CSMD1: variants seen among roughly 807,000 people sequenced by gnomAD.
CSMD1 encodes CUB and Sushi multiple domains 1, also known as CUB and sushi domain-containing protein 1.
Under a neutral mutation model 417.5 loss-of-function variants are expected in CSMD1, and 213 were observed. The observed-to-expected ratio is 0.51, with a 90% CI of 0.46 to 0.57. The LOEUF (loss-of-function observed/expected upper bound fraction) is 0.57, where lower values mean the gene tolerates loss of function less well. Ranked by LOEUF, CSMD1 falls within the 20% of genes least tolerant of loss-of-function variation. The pLI is 0.00. For synonymous variants in CSMD1, 2,862 were observed against 1,736.8 expected, an observed-to-expected ratio of 1.65 and a Z score of -16.11; for missense variants, 6,923 against 4,529.7, an observed-to-expected ratio of 1.53 and a Z score of -15.17.
At chr8:4,712,510 C>A (rs894132555) in intron 1 of CSMD1, among the ~76,000 whole-genome samples, 12 of 152,114 alleles carry the variant, frequency 7.9e-5, no homozygotes, top group African/African-American at 2.9e-4. Flanking sequence ...GGAAAATTTC[C>A]CTTATTTTCC....
intron 12 of CSMD1, among the ~76,000 whole-genome samples, chr8:3,451,978 C>A (rs772548672): frequency 6.6e-6 from 1 of 152,122 alleles, no homozygotes; most frequent in Non-Finnish European, 1.5e-5. Flanking sequence ...TGTTTGTCTC[C>A]TCTTTTATTT....
chr8:3,036,443 C>T (rs1170041074), intron 50 of CSMD1, among the ~76,000 whole-genome samples: 1 of 152,128 alleles, frequency 6.6e-6, no homozygotes, highest in Non-Finnish European at 1.5e-5. Flanking sequence ...GTAAGTGCTT[C>T]TTATAACCAA....
chr8:3,798,570 T>A (rs543337376), intron 5 of CSMD1, among the ~76,000 whole-genome samples: 8 of 152,080 alleles, frequency 5.3e-5, no homozygotes, highest in African/African-American at 1.9e-4. Flanking sequence ...TGAGAGGTGA[T>A]TGCAATGAAA....
intron 1 of CSMD1, among the ~76,000 whole-genome samples, chr8:4,911,338 G>A (rs1024637603): frequency 6.6e-6 from 1 of 152,172 alleles, no homozygotes; most frequent in East Asian, 1.9e-4. Flanking sequence ...ATATGCAGAT[G>A]AAAGACAATT....
intron 3 of CSMD1, among the ~76,000 whole-genome samples, chr8:4,162,655 A>T (rs1309532648): frequency 6.6e-6 from 1 of 152,202 alleles, no homozygotes; most frequent in Non-Finnish European, 1.5e-5. Context: ...TATGTCATGT[A>T]ACACCTGCTC....
intron 5 of CSMD1, among the ~76,000 whole-genome samples, chr8:3,880,459 G>C (rs1290004875): frequency 6.6e-6 from 1 of 152,112 alleles, no homozygotes; most frequent in African/African-American, 2.4e-5. Context: ...TTTAATTCTT[G>C]AGATATCTCG....
intron 52 of CSMD1, among the ~76,000 whole-genome samples, chr8:3,010,288 C>T (rs1360957016): frequency 6.6e-6 from 1 of 152,212 alleles, no homozygotes; most frequent in Non-Finnish European, 1.5e-5. Context: ...TTAGATGTAG[C>T]AGGTGGCATT....
intron 1 of CSMD1, among the ~76,000 whole-genome samples, chr8:4,664,519 C>G (rs190614543): frequency 6.6e-6 from 1 of 152,208 alleles, no homozygotes; most frequent in South Asian, 2.1e-4. Context: ...CGTGATCATA[C>G]CACTGCATTC....
intron 26 of CSMD1, among the ~76,000 whole-genome samples, chr8:3,268,170 T>A (rs986824496): frequency 6.6e-6 from 1 of 151,916 alleles, no homozygotes; most frequent in Non-Finnish European, 1.5e-5. Context: ...AATGAATGAA[T>A]GAGTGAATAT....
At chr8:3,857,099 C>G (rs1210479395) in intron 5 of CSMD1, among the ~76,000 whole-genome samples, 1 of 152,024 alleles carries the variant, frequency 6.6e-6, no homozygotes, top group African/African-American at 2.4e-5. Flanking sequence ...GACTAAGACA[C>G]AGCTCTTTAG....
intron 5 of CSMD1, among the ~76,000 whole-genome samples, chr8:3,980,884 G>C (rs1253127778): frequency 1.3e-5 from 2 of 152,298 alleles, no homozygotes; most frequent in South Asian, 4.1e-4. Context: ...GGTGGAGACT[G>C]TTTTTATTTT....
intron 3 of CSMD1, among the ~76,000 whole-genome samples, chr8:4,225,090 G>A (rs1321950024): frequency 6.6e-6 from 1 of 152,052 alleles, no homozygotes; most frequent in Non-Finnish European, 1.5e-5. Flanking sequence ...CCAGCCTGGG[G>A]AACAGAGTGA....
intron 5 of CSMD1, among the ~76,000 whole-genome samples, chr8:3,949,128 A>G (rs1811435687): frequency 6.6e-6 from 1 of 152,238 alleles, no homozygotes; most frequent in African/African-American, 2.4e-5. Flanking sequence ...ATTTTAAAAT[A>G]TGGATGCATT....
At chr8:3,109,191 G>A (rs561292988) in intron 43 of CSMD1, among the ~76,000 whole-genome samples, 2 of 152,330 alleles carry the variant, frequency 1.3e-5, no homozygotes, top group Non-Finnish European at 2.9e-5. Flanking sequence ...CTTGAACCCA[G>A]GAGGCGCTGG....
At chr8:4,895,519 C>T (rs1487313324) in intron 1 of CSMD1, among the ~76,000 whole-genome samples, 1 of 152,046 alleles carries the variant, frequency 6.6e-6, no homozygotes, top group Non-Finnish European at 1.5e-5. Flanking sequence ...TCTTTTTATA[C>T]AAATTTTAAA....
intron 3 of CSMD1, among the ~76,000 whole-genome samples, chr8:4,339,957 G>C (rs7819440): frequency 0.024 from 3,691 of 152,144 alleles, 123 homozygotes; most frequent in African/African-American, 0.077. Flanking sequence ...TTCATAAGTT[G>C]GAGGTTCAGT....
intron 4 of CSMD1, among the ~76,000 whole-genome samples, chr8:4,022,031 T>A (rs1274978093): frequency 1.3e-5 from 2 of 151,566 alleles, no homozygotes; most frequent in Non-Finnish European, 2.9e-5. Flanking sequence ...AAAGTCCAGG[T>A]GCCTATATTT....
intron 2 of CSMD1, among the ~76,000 whole-genome samples, chr8:4,444,117 C>G (rs188825357): frequency 6.6e-6 from 1 of 151,720 alleles, no homozygotes; most frequent in African/African-American, 2.4e-5. Flanking sequence ...CGAGGCAGGT[C>G]GATCACTTCA....
At chr8:4,864,789 G>A (rs1198064953) in intron 1 of CSMD1, among the ~76,000 whole-genome samples, 1 of 151,088 alleles carries the variant, frequency 6.6e-6, no homozygotes, top group Non-Finnish European at 1.5e-5. Flanking sequence ...AGCTAAAGCA[G>A]ATAATTTTTG....
Sources: allele counts gnomAD v4.1 joint callset (sites outside exome capture counted in the v4.1 genomes callset), GRCh38; gene constraint gnomAD v4.1.1; transcripts MANE v1.5; gene names NCBI Gene and HGNC (gene_info 2026-07-23, HGNC 2026-07-21).